CENPH: variants seen among roughly 807,000 people sequenced by gnomAD.
CENPH encodes centromere protein H, also known as CENP-H.
In CENPH, 40 loss-of-function variants were observed where a neutral mutation model predicts 42.9. That is an observed-to-expected ratio of 0.93 (90% confidence interval 0.72 to 1.21). CENPH has a LOEUF of 1.21. Among genes scored for constraint, CENPH ranks in the 50% most tolerant of loss-of-function variants. CENPH has a pLI of 0.00. For synonymous variants in CENPH, 88 were observed against 96.5 expected, an observed-to-expected ratio of 0.91 and a Z score of 0.52; for missense variants, 302 against 292.9, an observed-to-expected ratio of 1.03 and a Z score of -0.23.
At position 69,202,493 on chromosome 5, in the gene CENPH, G is replaced by T. The variant is rs1234069212; in HGVS notation, c.372-13G>T. ...AATAACCTTAATAAATCATCTTTTT[G>T]TTTCCTTTTCAGTGTGCTCATGGAT... On this transcript the variant is annotated splice_polypyrimidine_tract_variant and intron_variant, in intron 5 of 8. Coordinates refer to ENST00000283006, the MANE Select transcript of CENPH (RefSeq NM_022909.4). 2 of 1,448,538 alleles carry T rather than the reference G, an allele frequency of 1.4e-6. No homozygotes were observed. The highest frequency in any genetic ancestry group is 1.9e-5 in the Admixed American group (1 of 52,404). The allele number at this position is 1,448,538 out of a possible 1,614,324, so 89.7% of individuals were successfully genotyped here. A position where few individuals can be genotyped will look rare whatever the true frequency, so the allele number is the denominator to read the frequency against.
chr5:69,204,597 C>T (rs370449979), intron 7 of CENPH, among the ~76,000 whole-genome samples: 92 of 69,526 alleles, frequency 1.3e-3, no homozygotes, highest in South Asian at 3.9e-3. Flanking sequence ...GCTTGTATTT[C>T]TTTTTTTTTT....
chr5:69,196,905 A>G, intron 4 of CENPH, 148 bp from the exon 5 acceptor site: 1 of 546,544 alleles, frequency 1.8e-6, no homozygotes, highest in South Asian at 3.2e-5. Flanking sequence ...TTTATTTCTC[A>G]AAGTATTTCT....
intron 7 of CENPH, among the ~76,000 whole-genome samples, chr5:69,204,923 T>C (rs1748125799): frequency 7.1e-6 from 1 of 140,946 alleles, no homozygotes; most frequent in Admixed American, 7.1e-5. Context: ...CTTTTTCTTT[T>C]TTTTTTTTTT....
Position 69,191,848 on chromosome 5 carries a change from CAAGT to C in CENPH, c.190+4_190+7del, listed in dbSNP as rs1291534954. 6.6e-7 allele frequency: 1 copy of C among 1,513,566 alleles called. No homozygotes were observed. The highest frequency in any genetic ancestry group is 9.2e-7 in the Non-Finnish European group (1 of 1,091,018). 93.8% of individuals were successfully genotyped at this position (1,513,566 alleles called of 1,614,324 possible). A position where few individuals can be genotyped will look rare whatever the true frequency, so the allele number is the denominator to read the frequency against. On this transcript the variant is annotated splice_donor_variant and coding_sequence_variant, in exon 2 of 9. Coordinates refer to ENST00000283006, the MANE Select transcript of CENPH (RefSeq NM_022909.4). LOFTEE classifies it high-confidence loss of function. ...TTAGAATATAAATCAATGGTTGATG[CAAGT>C]AAGTATTTTCATTTTCAAATTAGGG... is the stretch of plus-strand genomic sequence containing the variant.
intron 8 of CENPH, among the ~76,000 whole-genome samples, chr5:69,209,033 G>A (rs1399044820): frequency 6.6e-6 from 1 of 151,892 alleles, no homozygotes; most frequent in East Asian, 2.0e-4. Context: ...GATGTCAGGT[G>A]ATCCACCTGC....
intron 5 of CENPH, among the ~76,000 whole-genome samples, chr5:69,198,800 T>C (rs1212872728): frequency 6.6e-6 from 1 of 151,982 alleles, no homozygotes; most frequent in Non-Finnish European, 1.5e-5. Flanking sequence ...CCAGGCATGG[T>C]GGAGCCACCA....
At chr5:69,189,912 CTCTT>C (rs1358879577) in intron 1 of CENPH, 144 bp downstream of exon 1, 9 of 962,900 alleles carry the variant, frequency 9.3e-6, no homozygotes, top group South Asian at 1.9e-5. Flanking sequence ...ACTGTTGAAG[CTCTT>C]TCTTCATCAG....
chr5:69,199,477 A>T (rs1748023837), intron 5 of CENPH, among the ~76,000 whole-genome samples: 1 of 152,188 alleles, frequency 6.6e-6, no homozygotes, highest in Admixed American at 6.5e-5. Context: ...CACCCTGCCA[A>T]ATTAAGGGTT....
intron 7 of CENPH, among the ~76,000 whole-genome samples, chr5:69,207,315 A>C (rs1184698040): frequency 1.3e-5 from 2 of 151,556 alleles, no homozygotes; most frequent in African/African-American, 4.8e-5. Context: ...CAGCCTCCTG[A>C]GTAGCTGGGA....
intron 2 of CENPH, among the ~76,000 whole-genome samples, chr5:69,193,095 CTCAAAA>C (rs1747904219): frequency 6.6e-6 from 1 of 151,308 alleles, no homozygotes; most frequent in African/African-American, 2.4e-5. Context: ...AAAACTCCGT[CTCAAAA>C]ACAAAAACAA....
chr5:69,195,371 T>C (rs1445385508), intron 3 of CENPH, among the ~76,000 whole-genome samples: 1 of 152,198 alleles, frequency 6.6e-6, no homozygotes, highest in Non-Finnish European at 1.5e-5. Context: ...GGTCATAATC[T>C]CATTTTTCTA....
chr5:69,204,433 G>A (rs1748113844), intron 7 of CENPH, among the ~76,000 whole-genome samples: 1 of 151,264 alleles, frequency 6.6e-6, no homozygotes, highest in African/African-American at 2.4e-5. Context: ...GGGAATACAA[G>A]TGCACTCCAC....
intron 2 of CENPH, among the ~76,000 whole-genome samples, chr5:69,194,235 T>C (rs896380325): frequency 9.9e-5 from 15 of 152,082 alleles, no homozygotes; most frequent in Non-Finnish European, 1.9e-4. Context: ...TTTGGCTCAC[T>C]GCAACCCCAA....
intron 7 of CENPH, among the ~76,000 whole-genome samples, chr5:69,206,105 T>G (rs1405611273): frequency 1.3e-5 from 2 of 152,004 alleles, no homozygotes; most frequent in African/African-American, 2.4e-5. Flanking sequence ...GCTCAAGTGA[T>G]CTGCCCACCT....
intron 2 of CENPH, among the ~76,000 whole-genome samples, chr5:69,192,407 C>G (rs1747891934): frequency 6.6e-6 from 1 of 152,068 alleles, no homozygotes; most frequent in African/African-American, 2.4e-5. Flanking sequence ...TTGTGACATC[C>G]AAAAACTAGA....
At chr5:69,205,068 G>A (rs565390785) in intron 7 of CENPH, among the ~76,000 whole-genome samples, 70 of 150,462 alleles carry the variant, frequency 4.7e-4, no homozygotes, top group South Asian at 6.3e-4. Flanking sequence ...ACAGGCACCC[G>A]CCACCACGCC....
At chr5:69,198,147 C>T (rs1312505274) in intron 5 of CENPH, among the ~76,000 whole-genome samples, 1 of 151,580 alleles carries the variant, frequency 6.6e-6, no homozygotes, top group Non-Finnish European at 1.5e-5. Context: ...GTCTCGATCT[C>T]CTGACCTCGT....
At chr5:69,197,943 G>C (rs1747993132) in intron 5 of CENPH, among the ~76,000 whole-genome samples, 2 of 74,828 alleles carry the variant, frequency 2.7e-5, no homozygotes, top group African/African-American at 1.1e-4. Flanking sequence ...TTTTTTTTGA[G>C]ACAGTCTTGC....
At chr5:69,191,099 CTT>C (rs1230995600) in intron 1 of CENPH, among the ~76,000 whole-genome samples, 1 of 152,092 alleles carries the variant, frequency 6.6e-6, no homozygotes, top group Non-Finnish European at 1.5e-5. Flanking sequence ...GGATTAGTAT[CTT>C]TGTTATTTTT....
Sources: allele counts gnomAD v4.1 joint callset (sites outside exome capture counted in the v4.1 genomes callset), GRCh38; gene constraint gnomAD v4.1.1; transcripts MANE v1.5; gene names NCBI Gene and HGNC (gene_info 2026-07-23, HGNC 2026-07-21).